Variants in CYB5R4 observed in about 807,000 individuals in gnomAD.
CYB5R4 encodes the protein cytochrome b5 reductase 4.
In CYB5R4, 55 loss-of-function variants were observed where a neutral mutation model predicts 70.2. That is an observed-to-expected ratio of 0.78 (90% CI 0.63 to 0.98). The LOEUF is 0.98. Among genes scored for constraint, CYB5R4 ranks in the 50% least tolerant of loss-of-function variants. The probability of loss-of-function intolerance (pLI) is 0.00; values close to 1 mark genes in which losing one functional copy is unlikely to be tolerated. For synonymous variants in CYB5R4, 197 were observed against 199.5 expected, an observed-to-expected ratio of 0.99 and a Z score of 0.11; for missense variants, 562 against 612.6, an observed-to-expected ratio of 0.92 and a Z score of 0.87.
At chr6:83,914,395 T>G in intron 4 of CYB5R4, 21 bp from the exon 5 acceptor site, 6 of 1,529,070 alleles carry the variant, frequency 3.9e-6, no homozygotes, top group Non-Finnish European at 5.3e-6. Context: ...ATTTGACTTT[T>G]TTTTCTAAAT....
chr6:83,883,290 G>A (rs2099459742), intron 2 of CYB5R4, among the ~76,000 whole-genome samples: 1 of 152,060 alleles, frequency 6.6e-6, no homozygotes, highest in African/African-American at 2.4e-5. Flanking sequence ...GGAAAGGAAT[G>A]AAAGAATGGG....
At chr6:83,877,867 G>A (rs1006539722) in intron 2 of CYB5R4, among the ~76,000 whole-genome samples, 12 of 151,926 alleles carry the variant, frequency 7.9e-5, no homozygotes, top group African/African-American at 2.9e-4. Flanking sequence ...TCCTGCTTGG[G>A]GTTCTCCAAA....
intron 12 of CYB5R4, among the ~76,000 whole-genome samples, chr6:83,939,428 A>T (rs931950104): frequency 2.0e-5 from 3 of 152,188 alleles, no homozygotes; most frequent in Non-Finnish European, 4.4e-5. Context: ...ACATGCTCCA[A>T]GTATAGTTGA....
At chr6:83,914,505 G>A in intron 5 of CYB5R4, 57 bp downstream of exon 5, 2 of 1,387,028 alleles carry the variant, frequency 1.4e-6, no homozygotes, top group Admixed American at 2.7e-5. Flanking sequence ...GAATAGTATT[G>A]ATACACAGAA....
intron 15 of CYB5R4, among the ~76,000 whole-genome samples, chr6:83,955,675 C>T (rs529378309): frequency 2.0e-5 from 3 of 152,144 alleles, no homozygotes; most frequent in Non-Finnish European, 4.4e-5. Flanking sequence ...AAGTTACAGC[C>T]AGCAGTCAGT....
At position 83,940,664 on chromosome 6, in the gene CYB5R4, A is replaced by G. The variant is rs1219035941; in HGVS notation, c.1346+63A>G. Reference sequence around the variant, plus strand: ...TACCTGGGTAGTAAGTCTATGCCTTATCTTCTCTGGTTGAAGCTTTGATTG... The same window carrying G: ...TACCTGGGTAGTAAGTCTATGCCTTGTCTTCTCTGGTTGAAGCTTTGATTG... On this transcript the variant is annotated intron_variant, in intron 14 of 15. Transcript: ENST00000369681. The G allele has an allele frequency of 4.6e-6, 7 of 1,507,762 alleles. No homozygotes were observed. The East Asian group carries it at 1.5e-4, about 33-fold the overall frequency. The allele number at this position is 1,507,762 out of a possible 1,614,324, so 93.4% of individuals were successfully genotyped here. A position where few individuals can be genotyped will look rare whatever the true frequency, so the allele number is the denominator to read the frequency against.
chr6:83,887,358 A>T (rs940487920), intron 2 of CYB5R4, among the ~76,000 whole-genome samples: 1 of 152,184 alleles, frequency 6.6e-6, no homozygotes, highest in Non-Finnish European at 1.5e-5. Context: ...TTCTGACAAC[A>T]CAAAGTACTA....
chr6:83,888,693 T>C (rs2099460632), intron 2 of CYB5R4, among the ~76,000 whole-genome samples: 1 of 152,162 alleles, frequency 6.6e-6, no homozygotes, highest in Admixed American at 6.5e-5. Flanking sequence ...TATCCCTACA[T>C]TGGCCTCTGA....
chr6:83,945,684 TAAAG>T (rs374579306), intron 14 of CYB5R4, among the ~76,000 whole-genome samples: 73 of 151,902 alleles, frequency 4.8e-4, no homozygotes, highest in African/African-American at 1.5e-3. Context: ...GTCAGACTAA[TAAAG>T]AAGAAAAGAG....
At chr6:83,891,708 G>A (rs573863728) in intron 2 of CYB5R4, among the ~76,000 whole-genome samples, 3 of 152,262 alleles carry the variant, frequency 2.0e-5, no homozygotes, top group East Asian at 1.9e-4. Context: ...TACTACTCAC[G>A]TCCACGGAGT....
intron 6 of CYB5R4, 81 bp downstream of exon 6, chr6:83,918,146 G>A: frequency 9.4e-7 from 1 of 1,058,390 alleles, no homozygotes; most frequent in Non-Finnish European, 1.4e-6. Context: ...AAGTAGCTCT[G>A]GGTTTGATTT....
intron 2 of CYB5R4, among the ~76,000 whole-genome samples, chr6:83,871,067 C>G (rs1396587797): frequency 6.7e-6 from 1 of 149,922 alleles, no homozygotes; most frequent in Non-Finnish European, 1.5e-5. Context: ...ACCTCCGTCT[C>G]CCGGGTTCAA....
At chr6:83,885,178 G>T (rs1400390157) in intron 2 of CYB5R4, among the ~76,000 whole-genome samples, 1 of 152,026 alleles carries the variant, frequency 6.6e-6, no homozygotes, top group Non-Finnish European at 1.5e-5. Context: ...TTACATTTTG[G>T]CAAATATCTT....
intron 4 of CYB5R4, among the ~76,000 whole-genome samples, chr6:83,912,082 A>G (rs1350779774): frequency 1.4e-5 from 2 of 145,172 alleles, no homozygotes; most frequent in Non-Finnish European, 3.0e-5. Context: ...AAAAAAGCCT[A>G]TTGACTTTAT....
chr6:83,898,312 C>T (rs2099462261), intron 3 of CYB5R4, among the ~76,000 whole-genome samples: 1 of 152,048 alleles, frequency 6.6e-6, no homozygotes, highest in Non-Finnish European at 1.5e-5. Context: ...TGTTCTGTTC[C>T]ATTGGTCTAT....
chr6:83,959,305 T>C (rs999893988), intron 15 of CYB5R4, among the ~76,000 whole-genome samples: 2 of 152,136 alleles, frequency 1.3e-5, no homozygotes, highest in Admixed American at 6.6e-5. Context: ...AATAGTCTTG[T>C]CAAAAAGATT....
At chr6:83,880,540 C>T (rs768319688) in intron 2 of CYB5R4, among the ~76,000 whole-genome samples, 19 of 151,872 alleles carry the variant, frequency 1.3e-4, no homozygotes, top group East Asian at 3.9e-4. Context: ...GTTGTAAATC[C>T]GATTTAATTA....
intron 3 of CYB5R4, among the ~76,000 whole-genome samples, chr6:83,907,905 T>C (rs1411839821): frequency 6.6e-6 from 1 of 152,236 alleles, no homozygotes; most frequent in Non-Finnish European, 1.5e-5. Flanking sequence ...TGATTCCATG[T>C]CTTTGCTATT....
chr6:83,935,462 C>T (rs1393337139), intron 11 of CYB5R4, among the ~76,000 whole-genome samples: 2 of 152,094 alleles, frequency 1.3e-5, no homozygotes, highest in African/African-American at 4.8e-5. Context: ...TCACTAATGC[C>T]TGGTTACCTA....
Sources: gnomAD v4.1 joint callset for allele counts (sites outside exome capture counted in the v4.1 genomes callset) on GRCh38, gnomAD v4.1.1 for gene constraint, MANE v1.5 for transcripts, NCBI Gene and HGNC (gene_info 2026-07-23, HGNC 2026-07-21) for gene names.